DSTN: variants seen among roughly 807,000 people sequenced by gnomAD.
DSTN encodes destrin, actin depolymerizing factor.
In DSTN, 10 loss-of-function variants were observed where a neutral mutation model predicts 16.8. That is an observed-to-expected ratio of 0.60 (90% CI 0.37 to 1.01). The LOEUF is 1.01. DSTN is among the 50% of genes least tolerant of loss of function. DSTN has a pLI of 0.01. For missense variants in DSTN, 141 were observed against 196.7 expected (o/e 0.72, Z 1.69); for synonymous variants, 57 against 58.9 (o/e 0.97, Z 0.14).
intron 1 of DSTN, among the ~76,000 whole-genome samples, chr20:17,585,480 T>G (rs780793836): frequency 3.3e-4 from 50 of 152,328 alleles, no homozygotes; most frequent in Non-Finnish European, 4.6e-4. Context: ...CACATTTAGC[T>G]TACTGTTTGG....
In DSTN at chr20:17,608,609, C is replaced by A. The variant is rs1287413997; in HGVS notation, c.*1463C>A. The A allele has an allele frequency of 3.7e-5, 5 of 136,542 alleles. No homozygotes were observed. The highest frequency in any genetic ancestry group is 9.0e-5 in the African/African-American group (3 of 33,332). The allele number at this position is 136,542 out of a possible 1,614,324, so 8.5% of individuals were successfully genotyped here. ...CTCCAGCCTGGATGACAGAGCAAGACCTTGTCTCAAAAAAAAAAAAAAAAG... is the reference window on the plus strand; with the variant it reads ...CTCCAGCCTGGATGACAGAGCAAGAACTTGTCTCAAAAAAAAAAAAAAAAG... On this transcript the variant is annotated 3_prime_UTR_variant, in exon 4 of 4. Coordinates refer to ENST00000246069, the MANE Select transcript of DSTN (RefSeq NM_006870.4).
rs533880691 is a variant in DSTN at position 17,574,870 on chromosome 20, GTT to G, written c.3+4680_3+4681del. Among the ~76,000 whole-genome samples the G allele has an allele frequency of 7.1e-3, 579 of 81,152 alleles. 1 individual carries two copies. The highest frequency in any genetic ancestry group is 0.024 in the African/African-American group (481 of 20,220). The allele number at this position is 81,152 out of a possible 152,430, so 53.2% of individuals were successfully genotyped here. A position where few individuals can be genotyped will look rare whatever the true frequency, so the allele number is the denominator to read the frequency against. On this transcript the variant is annotated intron_variant, in intron 1 of 3. Transcript: ENST00000246069. ...TTTTCTTTTTCTTTTCTTTTCTTTT[GTT>G]TTTTTTTTTTTTTTTTTTTTGAGAC...
chr20:17,579,938 T>C (rs867073150), intron 1 of DSTN, among the ~76,000 whole-genome samples: 16 of 152,236 alleles, frequency 1.1e-4, no homozygotes, highest in Admixed American at 9.2e-4. Context: ...ATATCTGTTA[T>C]CTCTACCCAA....
chr20:17,605,569 C>A (rs1162336926), intron 3 of DSTN, among the ~76,000 whole-genome samples: 2 of 152,206 alleles, frequency 1.3e-5, no homozygotes, highest in South Asian at 4.1e-4. Context: ...TTCTTGCTTC[C>A]TTTCCCGAGC....
chr20:17,585,636 TAC>T (rs1568733515), intron 1 of DSTN, among the ~76,000 whole-genome samples: 2 of 152,102 alleles, frequency 1.3e-5, no homozygotes, highest in African/African-American at 4.8e-5. Flanking sequence ...CATATATATG[TAC>T]ACACACATAT....
intron 1 of DSTN, among the ~76,000 whole-genome samples, chr20:17,577,792 A>G (rs1344819917): frequency 6.6e-6 from 1 of 152,234 alleles, no homozygotes; most frequent in Non-Finnish European, 1.5e-5. Flanking sequence ...GCACGTGTCA[A>G]TTCAGGTGCT....
chr20:17,600,892 A>G lies in DSTN; in HGVS notation c.158A>G (p.Lys53Arg). ...AAGTGCATCATTGTAGAAGAAGGCA[A>G]AGAGATCTTGGTTGGAGATGTTGGT... Reference protein sequence around the residue: ...DKKCIIVEEGKEILVGDVGVT... With the variant: ...DKKCIIVEEGREILVGDVGVT... Residue 53 changes from lysine (K) to arginine (R), a missense_variant, in exon 2 of 4, where the codon AAA (lysine) becomes AGA (arginine). Coordinates refer to ENST00000246069, the MANE Select transcript of DSTN (RefSeq NM_006870.4). The G allele has an allele frequency of 6.2e-7, 1 of 1,613,904 alleles. No individual in the cohort carries two copies. The highest frequency in any genetic ancestry group is 8.5e-7 in the Non-Finnish European group (1 of 1,179,868).
chr20:17,592,895 T>A (rs568247072), intron 1 of DSTN, among the ~76,000 whole-genome samples: 8 of 152,338 alleles, frequency 5.3e-5, no homozygotes, highest in African/African-American at 1.9e-4. Flanking sequence ...TTGCACCTCT[T>A]GCCTTGGTTG....
intron 1 of DSTN, among the ~76,000 whole-genome samples, chr20:17,593,414 C>T (rs909486346): frequency 4.0e-5 from 6 of 151,882 alleles, no homozygotes; most frequent in African/African-American, 7.3e-5. Flanking sequence ...AGACAGACAC[C>T]GTTTATCTTA....
At chr20:17,592,873 A>T (rs1234635291) in intron 1 of DSTN, among the ~76,000 whole-genome samples, 1 of 152,166 alleles carries the variant, frequency 6.6e-6, no homozygotes, top group Non-Finnish European at 1.5e-5. Context: ...CCACTACCCT[A>T]GTGAAGGCCT....
Position 17,609,500 on chromosome 20 carries a change from G to C in DSTN, c.*2354G>C, listed in dbSNP as rs1345817506. 1 of 152,282 alleles carries C rather than the reference G, an allele frequency of 6.6e-6. No individual in the cohort carries two copies. Among genetic ancestry groups the C allele is most frequent in the Non-Finnish European group, 1.5e-5 (1 of 68,080 alleles). The allele number at this position is 152,282 out of a possible 1,614,324, so 9.4% of individuals were successfully genotyped here. A position where few individuals can be genotyped will look rare whatever the true frequency, so the allele number is the denominator to read the frequency against. On this transcript the variant is annotated 3_prime_UTR_variant, in exon 4 of 4. Transcript: ENST00000246069. Reference sequence around the variant, plus strand: ...GAAGGAGATTTTTCCTGTGGTGTTGGCTTAAGTGTGGCACTGTTGTGCGTG... The same window carrying C: ...GAAGGAGATTTTTCCTGTGGTGTTGCCTTAAGTGTGGCACTGTTGTGCGTG...
intron 1 of DSTN, among the ~76,000 whole-genome samples, chr20:17,589,417 A>G (rs2035446757): frequency 6.6e-6 from 1 of 152,094 alleles, no homozygotes; most frequent in South Asian, 2.1e-4. Context: ...CACCATGTTA[A>G]CCAGGCTGCT....
chr20:17,571,419 G>A (rs1162144737), intron 1 of DSTN, among the ~76,000 whole-genome samples: 1 of 152,176 alleles, frequency 6.6e-6, no homozygotes, highest in African/African-American at 2.4e-5. Flanking sequence ...AAGATAAACC[G>A]GTAGTTTCTT....
chr20:17,589,024 C>A (rs942616433), intron 1 of DSTN, among the ~76,000 whole-genome samples: 1 of 152,060 alleles, frequency 6.6e-6, no homozygotes, highest in Non-Finnish European at 1.5e-5. Context: ...AGCAGGATGG[C>A]GTTCAGGAGG....
At position 17,578,961 on chromosome 20, in the gene DSTN, CAAA is replaced by C. The variant is rs59600009; in HGVS notation, c.3+8768_3+8770del. On this transcript the variant is annotated intron_variant, in intron 1 of 3. Transcript: ENST00000246069. ...GGACAACAAGAGCGAAATTCCATCT[CAAA>C]AAAAAAAAAAAAAAAAAGCAAGAAG... Among the ~76,000 whole-genome samples the C allele has an allele frequency of 2.8e-4, 23 of 81,400 alleles. No individual in the cohort carries two copies. In the East Asian group the frequency reaches 5.0e-3, roughly 18 times the overall value. 53.4% of individuals were successfully genotyped at this position (81,400 alleles called of 152,430 possible).
At chr20:17,594,367 C>CT (rs2035502792) in intron 1 of DSTN, among the ~76,000 whole-genome samples, 1 of 152,088 alleles carries the variant, frequency 6.6e-6, no homozygotes, top group Admixed American at 6.5e-5. Flanking sequence ...ATGAAGTATG[C>CT]TTACCAAGGT....
chr20:17,579,992 T>A (rs2035325330), intron 1 of DSTN, among the ~76,000 whole-genome samples: 1 of 152,268 alleles, frequency 6.6e-6, no homozygotes, highest in Non-Finnish European at 1.5e-5. Context: ...TTCATCTTTA[T>A]ATCCTGTATT....
chr20:17,587,977 A>T (rs1307834678), intron 1 of DSTN, among the ~76,000 whole-genome samples: 1 of 152,250 alleles, frequency 6.6e-6, no homozygotes, highest in Non-Finnish European at 1.5e-5. Flanking sequence ...TCTTCACCTT[A>T]TGTAAAATGC....
At position 17,586,882 on chromosome 20, in the gene DSTN, T is replaced by G. The variant is rs559557665; in HGVS notation, c.4-13856T>G. Among the ~76,000 whole-genome samples, 6 of 152,336 alleles carry G rather than the reference T, an allele frequency of 3.9e-5. No homozygotes were observed. The South Asian group carries it at 8.3e-4, about 21-fold the overall frequency. The stretch of plus-strand genomic sequence containing the variant: ...TGATGAAGCTGAGGATTAAAGAAGT[T>G]AGCTGACTTGCCCAAGTTACAGGAT... On this transcript the variant is annotated intron_variant, in intron 1 of 3. Coordinates refer to ENST00000246069, the MANE Select transcript of DSTN (RefSeq NM_006870.4).
Sources: gnomAD v4.1 joint callset for allele counts (sites outside exome capture counted in the v4.1 genomes callset) on GRCh38, gnomAD v4.1.1 for gene constraint, MANE v1.5 for transcripts, NCBI Gene and HGNC (gene_info 2026-07-23, HGNC 2026-07-21) for gene names.